The following CMSS1 variants were observed in gnomAD, a reference collection of about 807,000 sequenced individuals.
CMSS1 encodes protein CMSS1.
CMSS1 carries 33 observed loss-of-function variants against 43.5 expected under a neutral mutation model. The ratio of observed to expected loss-of-function variants is 0.76; its 90% CI spans 0.57 to 1.01. The LOEUF (loss-of-function observed/expected upper bound fraction) is 1.01. Ranked by LOEUF, CMSS1 falls within the 50% of genes least tolerant of loss-of-function variation. The pLI is 0.00. For missense variants in CMSS1, 313 were observed against 326.4 expected (o/e 0.96, Z 0.32); for synonymous variants, 115 against 117.2 (o/e 0.98, Z 0.12).
At chr3:100,123,495 T>C (rs1259007976) in intron 1 of CMSS1, among the ~76,000 whole-genome samples, 2 of 152,180 alleles carry the variant, frequency 1.3e-5, no homozygotes, top group African/African-American at 4.8e-5. Context: ...CCTGGAAGTT[T>C]ACATGATCCT....
At chr3:100,173,608 T>G (rs1368537996) in intron 8 of CMSS1, among the ~76,000 whole-genome samples, 3 of 152,182 alleles carry the variant, frequency 2.0e-5, no homozygotes, top group Non-Finnish European at 2.9e-5. Flanking sequence ...GAGAAAGAGA[T>G]AGTTATGCTG....
At chr3:100,010,572 G>A (rs1177178291) in intron 1 of CMSS1, among the ~76,000 whole-genome samples, 1 of 151,420 alleles carries the variant, frequency 6.6e-6, no homozygotes, top group Non-Finnish European at 1.5e-5. Flanking sequence ...TTCTATACAT[G>A]TTGGCTAAAG....
intron 8 of CMSS1, among the ~76,000 whole-genome samples, chr3:100,173,625 A>C (rs550293709): frequency 6.6e-6 from 1 of 152,364 alleles, no homozygotes; most frequent in South Asian, 2.1e-4. Context: ...GCTGGCCTGA[A>C]TCTGCAGGGC....
At chr3:99,984,046 A>ATGTGTGTGTGTGTGTGTG (rs1206336764) in intron 1 of CMSS1, among the ~76,000 whole-genome samples, 3 of 14,034 alleles carry the variant, frequency 2.1e-4, no homozygotes, top group East Asian at 7.0e-3. Context: ...AAAAGGATGT[A>ATGTGTGTGTGTGTGTGTG]TATGTATGTG....
At chr3:100,068,937 G>C (rs1296094111) in intron 1 of CMSS1, among the ~76,000 whole-genome samples, 1 of 152,120 alleles carries the variant, frequency 6.6e-6, no homozygotes, top group East Asian at 1.9e-4. Context: ...TCTCACCCTC[G>C]CCCAGCAGGT....
At chr3:99,923,922 T>C (rs1388751290) in intron 1 of CMSS1, among the ~76,000 whole-genome samples, 1 of 152,266 alleles carries the variant, frequency 6.6e-6, no homozygotes, top group Admixed American at 6.5e-5. Flanking sequence ...CCCCTTGCCA[T>C]GAATATGGTT....
At chr3:99,854,743 T>C (rs1266103101) in intron 1 of CMSS1, among the ~76,000 whole-genome samples, 1 of 152,200 alleles carries the variant, frequency 6.6e-6, no homozygotes, top group Non-Finnish European at 1.5e-5. Flanking sequence ...GTTTGTGGCA[T>C]GTGTGTATGT....
At chr3:99,977,154 G>A (rs756716195) in intron 1 of CMSS1, among the ~76,000 whole-genome samples, 1 of 152,212 alleles carries the variant, frequency 6.6e-6, no homozygotes, top group East Asian at 1.9e-4. Context: ...AACCTGGCAT[G>A]TACTGTACAC....
intron 1 of CMSS1, among the ~76,000 whole-genome samples, chr3:99,957,349 A>G (rs1321583120): frequency 6.6e-6 from 1 of 152,148 alleles, no homozygotes; most frequent in Non-Finnish European, 1.5e-5. Context: ...AGTTGAAGAA[A>G]GCCAACCCAA....
chr3:100,108,904 A>G (rs1308168875), intron 1 of CMSS1, among the ~76,000 whole-genome samples: 2 of 152,094 alleles, frequency 1.3e-5, no homozygotes, highest in Non-Finnish European at 2.9e-5. Context: ...GTAACTGTGT[A>G]TCTGTCAGAA....
intron 1 of CMSS1, among the ~76,000 whole-genome samples, chr3:100,116,769 G>T (rs1484493436): frequency 6.6e-6 from 1 of 152,122 alleles, no homozygotes; most frequent in Admixed American, 6.6e-5. Flanking sequence ...CAACAGTGAG[G>T]ATAAGGTGGT....
chr3:100,174,729 G>C (rs2067135572), intron 8 of CMSS1, among the ~76,000 whole-genome samples: 1 of 152,100 alleles, frequency 6.6e-6, no homozygotes, highest in Admixed American at 6.6e-5. Context: ...TTATACGTTT[G>C]ATATATAAGG....
rs2067116864 is a variant in CMSS1 at position 100,172,303 on chromosome 3, C to T, written c.580-13C>T. The T allele has an allele frequency of 6.2e-7, 1 of 1,610,762 alleles. No homozygotes were observed. Among genetic ancestry groups the T allele is most frequent in the Admixed American group, 1.7e-5 (1 of 59,622 alleles). On this transcript the variant is annotated splice_polypyrimidine_tract_variant and intron_variant, in intron 7 of 9. Coordinates refer to ENST00000421999, the MANE Select transcript of CMSS1 (RefSeq NM_032359.4). ...TGACTTCCTTTTCTTTCTTCTCTTT[C>T]ATCTTGGAACAGGTCCAGGCGCAGG...
intron 2 of CMSS1, among the ~76,000 whole-genome samples, chr3:100,148,840 T>C (rs2066877480): frequency 6.6e-6 from 1 of 152,206 alleles, no homozygotes; most frequent in East Asian, 1.9e-4. Flanking sequence ...TATATAATCA[T>C]CTTGGTTTTT....
At chr3:99,997,589 G>C (rs1405999453) in intron 1 of CMSS1, among the ~76,000 whole-genome samples, 1 of 152,182 alleles carries the variant, frequency 6.6e-6, no homozygotes, top group Non-Finnish European at 1.5e-5. Flanking sequence ...ATAGATGGTA[G>C]GGGCAGGGTG....
chr3:99,912,675 G>C (rs1204368118), intron 1 of CMSS1, among the ~76,000 whole-genome samples: 5 of 152,150 alleles, frequency 3.3e-5, no homozygotes, highest in Non-Finnish European at 7.3e-5. Context: ...ACCGCACCTG[G>C]CCCACAGAGC....
chr3:100,064,979 CAT>C (rs772250882), intron 1 of CMSS1, among the ~76,000 whole-genome samples: 19 of 152,182 alleles, frequency 1.2e-4, no homozygotes, highest in African/African-American at 3.6e-4. Flanking sequence ...CACACATACA[CAT>C]GTGTGTGTAA....
At chr3:100,162,479 G>A (rs765605178) in intron 4 of CMSS1, 47 bp downstream of exon 4, 6 of 1,586,884 alleles carry the variant, frequency 3.8e-6, no homozygotes, top group Non-Finnish European at 5.2e-6. Flanking sequence ...CAAAACATAA[G>A]TATCTGTTAT....
intron 1 of CMSS1, among the ~76,000 whole-genome samples, chr3:99,983,613 C>A (rs147500054): frequency 6.9e-6 from 1 of 144,762 alleles, no homozygotes; most frequent in Non-Finnish European, 1.5e-5. Flanking sequence ...TTGCTTGAAC[C>A]GGGGAGGCGG....
Sources: allele counts gnomAD v4.1 joint callset (sites outside exome capture counted in the v4.1 genomes callset), GRCh38; gene constraint gnomAD v4.1.1; transcripts MANE v1.5; gene names NCBI Gene and HGNC (gene_info 2026-07-23, HGNC 2026-07-21).